MBTPS1: variants seen among roughly 807,000 people sequenced by gnomAD.
The protein encoded by MBTPS1 is membrane-bound transcription factor site-1 protease.
MBTPS1 carries 94 observed loss-of-function variants against 127.8 expected under a neutral mutation model. That is an observed-to-expected ratio of 0.74 (90% confidence interval 0.62 to 0.87). The LOEUF (loss-of-function observed/expected upper bound fraction) is 0.87, where lower values mean the gene tolerates loss of function less well. Ranked by LOEUF, MBTPS1 falls within the 40% of genes least tolerant of loss-of-function variation. The pLI is 0.00. For missense variants in MBTPS1, 1,636 were observed against 1,353.2 expected, an observed-to-expected ratio of 1.21 and a Z score of -3.28; for synonymous variants, 632 against 509.4, an observed-to-expected ratio of 1.24 and a Z score of -3.24.
chr16:84,091,764 G>C lies in MBTPS1; in HGVS notation c.931C>G (p.Pro311Ala), dbSNP rs1015909513. ...IDVLNLSIGG[P>A]DFMDHPFVDK... ...ACAAACGGATGATCCATGAAGTCCG[G>C]GCCGCCGATGCTGAGGTTTAACACG... The change falls in exon 7 of 23, where the codon CCG becomes GCG. Residue 311 changes from proline (P) to alanine (A), a missense_variant. Pro to Ala is a conservative substitution (Grantham distance 27, BLOSUM62 -1). Coordinates refer to ENST00000343411, the MANE Select transcript of MBTPS1 (RefSeq NM_003791.4). 23 of 1,614,060 alleles carry C rather than the reference G, an allele frequency of 1.4e-5. No homozygotes were observed. The highest frequency in any genetic ancestry group is 5.0e-5 in the Admixed American group (3 of 60,008).
intron 8 of MBTPS1, among the ~76,000 whole-genome samples, chr16:84,087,743 TC>T (rs2086051541): frequency 6.6e-6 from 1 of 152,124 alleles, no homozygotes; most frequent in African/African-American, 2.4e-5. Context: ...GCTCACGTTT[TC>T]CCTCCAGCAA....
intron 3 of MBTPS1, 76 bp downstream of exon 3, chr16:84,098,977 T>A: frequency 7.2e-7 from 1 of 1,398,534 alleles, no homozygotes; most frequent in Non-Finnish European, 1.0e-6. Context: ...CACTGTACTA[T>A]TTTTCAACTA....
intron 10 of MBTPS1, 132 bp downstream of exon 10, chr16:84,084,849 CAG>C (rs2085996881): frequency 1.2e-6 from 1 of 811,860 alleles, no homozygotes; most frequent in African/African-American, 1.7e-5. Flanking sequence ...GAAGGAGAGA[CAG>C]AGCAAGGCTG....
intron 6 of MBTPS1, among the ~76,000 whole-genome samples, chr16:84,092,690 C>G (rs996343692): frequency 3.9e-5 from 6 of 152,108 alleles, no homozygotes; most frequent in African/African-American, 1.2e-4. Context: ...ATACTAGGAC[C>G]CTCTCCCTTT....
intron 19 of MBTPS1, among the ~76,000 whole-genome samples, chr16:84,062,903 G>A (rs139003706): frequency 2.6e-5 from 4 of 152,314 alleles, no homozygotes; most frequent in East Asian, 1.9e-4. Flanking sequence ...CAGTAAAAGA[G>A]TGAGTCAGAC....
intron 10 of MBTPS1, 149 bp from the exon 11 acceptor site, chr16:84,082,057 G>A (rs930134805): frequency 3.8e-5 from 18 of 474,584 alleles, no homozygotes; most frequent in African/African-American, 3.2e-4. Context: ...CTGCATGAGA[G>A]AATGAGTGCA....
At chr16:84,077,385 A>C (rs1023875497) in intron 11 of MBTPS1, among the ~76,000 whole-genome samples, 48 of 152,212 alleles carry the variant, frequency 3.2e-4, no homozygotes, top group African/African-American at 1.1e-3. Flanking sequence ...GTGTGGTACC[A>C]GTACATGGAC....
At chr16:84,078,487 C>G (rs887595310) in intron 11 of MBTPS1, among the ~76,000 whole-genome samples, 14 of 151,742 alleles carry the variant, frequency 9.2e-5, no homozygotes, top group Non-Finnish European at 1.3e-4. Context: ...CAACCCAGAC[C>G]AGCAGTGCCA....
intron 1 of MBTPS1, among the ~76,000 whole-genome samples, chr16:84,111,943 G>A (rs1266951881): frequency 6.6e-6 from 1 of 150,636 alleles, no homozygotes; most frequent in East Asian, 1.9e-4. Flanking sequence ...GCTCATTCCT[G>A]TAATCCCAGC....
intron 22 of MBTPS1, 94 bp downstream of exon 22, chr16:84,055,911 G>A (rs1597296219): frequency 5.0e-6 from 7 of 1,390,198 alleles, no homozygotes; most frequent in East Asian, 4.7e-5. Context: ...GCAGAGACAG[G>A]GAGAGTCTGG....
intron 10 of MBTPS1, among the ~76,000 whole-genome samples, chr16:84,083,629 A>C (rs2085974058): frequency 6.6e-6 from 1 of 152,186 alleles, no homozygotes; most frequent in African/African-American, 2.4e-5. Context: ...ACAAAATAAT[A>C]TCTGGCATCA....
At chr16:84,111,395 C>G (rs527643043) in intron 1 of MBTPS1, among the ~76,000 whole-genome samples, 2 of 151,930 alleles carry the variant, frequency 1.3e-5, no homozygotes, top group African/African-American at 2.4e-5. Flanking sequence ...CAAAAATTAG[C>G]TAGGTAATGG....
At chr16:84,084,502 T>G (rs1449090634) in intron 10 of MBTPS1, among the ~76,000 whole-genome samples, 1 of 152,274 alleles carries the variant, frequency 6.6e-6, no homozygotes, top group South Asian at 2.1e-4. Context: ...TCCTTTTTAC[T>G]ATCTATATGT....
rs1454536517 is a variant in MBTPS1 at position 84,070,634 on chromosome 16, G to C, written c.1736C>G (p.Ala579Gly). ...CACAGTGATCATGACATGGCCCTGAGCAATGCCTTCCCAGGAAGCCGCTTT... is the reference window on the plus strand; with the variant it reads ...CACAGTGATCATGACATGGCCCTGACCAATGCCTTCCCAGGAAGCCGCTTT... ...TKKAASWEGI[A>G]QGHVMITVAS... Residue 579 changes from alanine to glycine, a missense_variant, in exon 13 of 23, where the codon GCT becomes GGT. Physicochemically the swap from Ala to Gly is moderately conservative, Grantham distance 60 (BLOSUM62 0). Coordinates refer to ENST00000343411, the MANE Select transcript of MBTPS1 (RefSeq NM_003791.4). 5 of 1,613,360 alleles carry C rather than the reference G, an allele frequency of 3.1e-6. No homozygotes were observed. Among genetic ancestry groups the C allele is most frequent in the Middle Eastern group, 1.8e-4 (1 of 5,650 alleles).
intron 22 of MBTPS1, among the ~76,000 whole-genome samples, chr16:84,055,255 G>T (rs1475870917): frequency 6.6e-6 from 1 of 152,218 alleles, no homozygotes; most frequent in Non-Finnish European, 1.5e-5. Flanking sequence ...AGGCCCTCAG[G>T]ACCCTGGCAC....
chr16:84,067,525 C>A (rs1425998720), intron 16 of MBTPS1, 142 bp downstream of exon 16: 1 of 684,082 alleles, frequency 1.5e-6, no homozygotes, highest in South Asian at 1.9e-5. Flanking sequence ...GTCGAAAGGG[C>A]TTTTTTTCTA....
chr16:84,098,934 A>T, intron 3 of MBTPS1, 119 bp downstream of exon 3: 1 of 1,052,550 alleles, frequency 9.5e-7, no homozygotes, highest in South Asian at 1.6e-5. Context: ...AAATGTTCAC[A>T]ATTAGCAAAC....
rs1166733211 is a variant in MBTPS1, at chr16:84,099,201, G to C, written c.273C>G (p.Asn91Lys). Residue 91 changes from asparagine to lysine, a missense_variant, in exon 3 of 23, where the codon AAC (asparagine) becomes AAG (lysine). Asn to Lys is a moderately conservative substitution (Grantham distance 94, BLOSUM62 0). Transcript: ENST00000343411. ...EVDNWRIIPR[N>K]NPSSDYPSDF... ...CACTAGGGTAGTCACTGGATGGATT[G>C]TTTCGAGGTATAATTCTCCAATTGT... 5 of 1,614,012 alleles carry C rather than the reference G, an allele frequency of 3.1e-6. No individual in the cohort carries two copies. The highest frequency in any genetic ancestry group is 2.5e-6 in the Non-Finnish European group (3 of 1,180,004).
chr16:84,056,175 T>A, intron 21 of MBTPS1, 40 bp from the exon 22 acceptor site: 1 of 1,577,278 alleles, frequency 6.3e-7, no homozygotes, highest in East Asian at 2.2e-5. Context: ...AAATAAGCCA[T>A]TGTACTAGTC....
Sources: gnomAD v4.1 joint callset for allele counts (sites outside exome capture counted in the v4.1 genomes callset) on GRCh38, gnomAD v4.1.1 for gene constraint, MANE v1.5 for transcripts, NCBI Gene and HGNC (gene_info 2026-07-23, HGNC 2026-07-21) for gene names.